Variants in DEFB123 observed in about 807,000 individuals in gnomAD.
DEFB123 encodes defensin beta 123.
For missense variants in DEFB123, 71 were observed against 75.0 expected (o/e 0.95, Z 0.20); for synonymous variants, 22 against 28.3 (o/e 0.78, Z 0.71).
chr20:31,448,600 G>T (rs146091260), intron 1 of DEFB123, among the ~76,000 whole-genome samples: 2 of 152,048 alleles, frequency 1.3e-5, no homozygotes, highest in East Asian at 3.9e-4. Flanking sequence ...ATGTCTTCAA[G>T]TTCATTTATC....
intron 1 of DEFB123, among the ~76,000 whole-genome samples, chr20:31,443,585 C>T (rs530640958): frequency 6.6e-6 from 1 of 152,312 alleles, no homozygotes; most frequent in South Asian, 2.1e-4. Context: ...CTCTCTTGCC[C>T]CTACCTTTCT....
intron 1 of DEFB123, among the ~76,000 whole-genome samples, chr20:31,446,678 C>G (rs984529769): frequency 6.6e-6 from 1 of 152,174 alleles, no homozygotes; most frequent in African/African-American, 2.4e-5. Context: ...ACAGCTTCAC[C>G]CCAGTCTCAC....
At chr20:31,448,775 G>A (rs774729847) in intron 1 of DEFB123, among the ~76,000 whole-genome samples, 3 of 151,742 alleles carry the variant, frequency 2.0e-5, no homozygotes, top group East Asian at 3.9e-4. Context: ...GCGATGGCAC[G>A]ATCTCAGCTC....
At chr20:31,440,825 C>CT in intron 1 of DEFB123, 69 bp downstream of exon 1, 1 of 1,584,764 alleles carries the variant, frequency 6.3e-7, no homozygotes. Context: ...ATCCCAAGGG[C>CT]TAGAAGGATG....
At chr20:31,448,675 TTTCATCTCAACTA>T in intron 1 of DEFB123, among the ~76,000 whole-genome samples, 1 of 152,168 alleles carries the variant, frequency 6.6e-6, no homozygotes, top group Non-Finnish European at 1.5e-5. Flanking sequence ...ATATTTAATG[TTTCATCTCAACTA>T]TTCCATGTGA....
At chr20:31,443,830 G>T (rs1979522292) in intron 1 of DEFB123, among the ~76,000 whole-genome samples, 1 of 152,150 alleles carries the variant, frequency 6.6e-6, no homozygotes, top group South Asian at 2.1e-4. Context: ...CTTCCTGTTG[G>T]GTATGGTAGT....
chr20:31,448,089 T>A (rs1979637396), intron 1 of DEFB123, among the ~76,000 whole-genome samples: 1 of 151,804 alleles, frequency 6.6e-6, no homozygotes, highest in Non-Finnish European at 1.5e-5. Flanking sequence ...TCTGGCCTAA[T>A]TTTTTTATTT....
At chr20:31,449,204 CCTG>C (rs1298350315) in intron 1 of DEFB123, among the ~76,000 whole-genome samples, 1 of 151,390 alleles carries the variant, frequency 6.6e-6, no homozygotes, top group African/African-American at 2.4e-5. Context: ...GTCATATTTT[CCTG>C]CTTTTTTTTT....
intron 1 of DEFB123, among the ~76,000 whole-genome samples, chr20:31,446,731 T>C (rs1222403107): frequency 6.6e-6 from 1 of 152,182 alleles, no homozygotes; most frequent in Non-Finnish European, 1.5e-5. Flanking sequence ...GTAAGAACCT[T>C]AAAACAGTAT....
Position 31,440,705 on chromosome 20 carries a change from C to T in DEFB123, c.7C>T (p.Leu3Phe). 1 of 1,613,804 alleles carries T rather than the reference C, an allele frequency of 6.2e-7. No homozygotes were observed. Among genetic ancestry groups the T allele is most frequent in the Non-Finnish European group, 8.5e-7 (1 of 1,180,038 alleles). Residue 3 changes from leucine (L) to phenylalanine (F), a missense_variant, in exon 1 of 2, where the codon CTC (leucine) becomes TTC (phenylalanine). Transcript: ENST00000376309. ...ATTTTGGGCTGCCTTAGCCATGAAG[C>T]TCCTTTTGCTGACTTTGACTGTGCT... The part of the protein sequence containing the change: MK[L>F]LLLTLTVLLL...
chr20:31,441,368 C>T (rs986286222), intron 1 of DEFB123, among the ~76,000 whole-genome samples: 4 of 151,844 alleles, frequency 2.6e-5, no homozygotes, highest in African/African-American at 9.7e-5. Flanking sequence ...AAAAGTGAGT[C>T]GAAAATAGAA....
intron 1 of DEFB123, 49 bp from the exon 2 acceptor site, chr20:31,449,980 C>T (rs2273468): frequency 0.52 from 792,517 of 1,518,036 alleles, 214,531 homozygotes; most frequent in East Asian, 0.71. Flanking sequence ...AAATCCGGAG[C>T]CTACTTGTTA....
intron 1 of DEFB123, among the ~76,000 whole-genome samples, chr20:31,446,705 C>T (rs1056950902): frequency 3.3e-5 from 5 of 152,158 alleles, no homozygotes; most frequent in African/African-American, 9.7e-5. Flanking sequence ...TAAAAACATG[C>T]CAATTCGCAC....
intron 1 of DEFB123, 28 bp downstream of exon 1, chr20:31,440,784 C>A: frequency 6.2e-7 from 1 of 1,611,848 alleles, no homozygotes; most frequent in Non-Finnish European, 8.5e-7. Flanking sequence ...AAGGAAGGGG[C>A]AGGGCTTAGA....
intron 1 of DEFB123, among the ~76,000 whole-genome samples, chr20:31,440,958 C>A (rs2122407314): frequency 6.6e-6 from 1 of 152,344 alleles, no homozygotes; most frequent in South Asian, 2.1e-4. Flanking sequence ...TCCATCCCTC[C>A]TCTTCCTGCC....
intron 1 of DEFB123, among the ~76,000 whole-genome samples, chr20:31,446,662 C>G (rs1979592091): frequency 6.6e-6 from 1 of 152,218 alleles, no homozygotes; most frequent in African/African-American, 2.4e-5. Flanking sequence ...CTAAGTTTTA[C>G]AGCAGACAGC....
rs1354037521 is a variant in DEFB123 at position 31,446,783 on chromosome 20, T to C, written c.59-3246T>C. Among the ~76,000 whole-genome samples, 4 of 152,188 alleles carry C rather than the reference T, an allele frequency of 2.6e-5. No individual in the cohort carries two copies. The East Asian group carries it at 7.7e-4, about 29-fold the overall frequency. On this transcript the variant is annotated intron_variant, in intron 1 of 1. Transcript: ENST00000376309. ...ACCTCTCCCAGCCTTTGTGCTATTG[T>C]CATACATTTCTCTTCTGTGTATGCT...
chr20:31,446,289 AG>A (rs1979583502), intron 1 of DEFB123, among the ~76,000 whole-genome samples: 1 of 152,254 alleles, frequency 6.6e-6, no homozygotes. Context: ...AATTAACATC[AG>A]GCCTAGGCTG....
chr20:31,444,547 G>GT (rs1979538963), intron 1 of DEFB123, among the ~76,000 whole-genome samples: 2 of 152,168 alleles, frequency 1.3e-5, no homozygotes, highest in African/African-American at 4.8e-5. Flanking sequence ...TTTAAAATGT[G>GT]TAAGTTATTG....
Sources: gnomAD v4.1 joint callset for allele counts (sites outside exome capture counted in the v4.1 genomes callset) on GRCh38, gnomAD v4.1.1 for gene constraint, MANE v1.5 for transcripts, NCBI Gene and HGNC (gene_info 2026-07-23, HGNC 2026-07-21) for gene names.